ZNF461: variants seen among roughly 807,000 people sequenced by gnomAD.
The protein encoded by ZNF461 is zinc finger protein 461.
In ZNF461, 16 loss-of-function variants were observed where a neutral mutation model predicts 18.3. The observed-to-expected ratio is 0.88, with a 90% CI of 0.59 to 1.33. ZNF461 has a LOEUF of 1.33. Among genes scored for constraint, ZNF461 ranks in the 40% most tolerant of loss-of-function variants. ZNF461 has a pLI of 0.00. For synonymous variants in ZNF461, 179 were observed against 216.9 expected (o/e 0.83, Z 1.54); for missense variants, 595 against 669.9 (o/e 0.89, Z 1.23).
At position 36,637,895 on chromosome 19, in the gene ZNF461, T is replaced by A. The variant is rs2037327711; in HGVS notation, c.*758A>T. ...TGTTAGGGGAGAATTAATTTTCACA[T>A]TTTTGGTAATTTTTGAATTTTTATA... On this transcript the variant is annotated 3_prime_UTR_variant, in exon 6 of 6. Transcript: ENST00000588268. The A allele has an allele frequency of 2.7e-6, 1 of 367,636 alleles. No individual in the cohort carries two copies. The highest frequency in any genetic ancestry group is 4.0e-5 in the Admixed American group (1 of 24,974). 22.8% of individuals were successfully genotyped at this position (367,636 alleles called of 1,614,324 possible).
chr19:36,640,255 C>T (rs1020513226), intron 5 of ZNF461: 2 of 483,376 alleles, frequency 4.1e-6, no homozygotes, highest in African/African-American at 1.9e-5. Flanking sequence ...AAATTTTGAT[C>T]CACCTCTGAA....
In ZNF461 at chr19:36,639,259, A is replaced by G. The variant is rs1477784615; in HGVS notation, c.1086T>C (p.Cys362=). 6.2e-7 allele frequency: 1 copy of G among 1,614,052 alleles called. No homozygotes were observed. Among genetic ancestry groups the G allele is most frequent in the Non-Finnish European group, 8.5e-7 (1 of 1,180,016 alleles). Residue 362 remains cysteine, a synonymous_variant, in exon 6 of 6, where the codon TGT becomes TGC. Transcript: ENST00000588268. ...TGEKPYECKE[C]GKTFRHRSHL... ...GTGAGCGATGCCTAAAAGTCTTTCC[A>G]CATTCTTTACATTCATAAGGTTTCT...
chr19:36,664,599 A>C (rs2037872384), intron 2 of ZNF461, 99 bp downstream of exon 2: 1 of 1,034,238 alleles, frequency 9.7e-7, no homozygotes, highest in African/African-American at 1.7e-5. Context: ...GTCTCAAAAA[A>C]AAAAAAAGCA....
At chr19:36,642,754 T>G (rs1331626360) in intron 5 of ZNF461, among the ~76,000 whole-genome samples, 7 of 149,020 alleles carry the variant, frequency 4.7e-5, no homozygotes, top group Non-Finnish European at 8.9e-5. Context: ...GTGTGTGTGT[T>G]TTTGGTGGGG....
rs2037481143 is a variant in ZNF461 at position 36,644,247 on chromosome 19, C to T, written c.233-385G>A. Among the ~76,000 whole-genome samples the T allele has an allele frequency of 2.0e-5, 3 of 147,012 alleles. No homozygotes were observed. The South Asian group carries it at 6.5e-4, about 32-fold the overall frequency. On this transcript the variant is annotated intron_variant, in intron 4 of 5. Transcript: ENST00000588268. ...CACACCCAGCAGAGAATATGTATTT[C>T]TTATACTTGAAAATGGATATTGGTT...
chr19:36,650,507 A>C (rs1328233323), intron 4 of ZNF461, among the ~76,000 whole-genome samples: 2 of 152,158 alleles, frequency 1.3e-5, no homozygotes, highest in African/African-American at 4.8e-5. Flanking sequence ...GAAGTTTACT[A>C]AACATTCATG....
At chr19:36,656,569 T>C in intron 3 of ZNF461, 26 bp from the exon 4 acceptor site, 2 of 1,566,654 alleles carry the variant, frequency 1.3e-6, no homozygotes, top group South Asian at 1.1e-5. Flanking sequence ...GAAATTGAGA[T>C]GAGATGGAAA....
At chr19:36,664,673 T>C (rs775672656) in intron 2 of ZNF461, 25 bp downstream of exon 2, 5 of 1,515,946 alleles carry the variant, frequency 3.3e-6, no homozygotes, top group African/African-American at 1.4e-5. Context: ...GTATTGTAAT[T>C]AGGAGCAAGA....
intron 5 of ZNF461, among the ~76,000 whole-genome samples, chr19:36,640,870 A>G (rs1197931833): frequency 2.0e-5 from 3 of 152,250 alleles, no homozygotes; most frequent in Non-Finnish European, 4.4e-5. Context: ...CAAGCAGCTT[A>G]ACCTACAAAT....
In ZNF461 at chr19:36,664,399, C is replaced by A. The variant is rs190570670; in HGVS notation, c.9+299G>T. ...GGCCAGGAGTTTGAGACCAGCCTGGCCAACTTGGCAAAACCCCGTATCTAC... is the reference window on the plus strand; with the variant it reads ...GGCCAGGAGTTTGAGACCAGCCTGGACAACTTGGCAAAACCCCGTATCTAC... On this transcript the variant is annotated intron_variant, in intron 2 of 5. Coordinates refer to ENST00000588268, the MANE Select transcript of ZNF461 (RefSeq NM_153257.5). Among the ~76,000 whole-genome samples the A allele has an allele frequency of 1.4e-3, 207 of 152,190 alleles. 2 individuals are homozygous for A. Among genetic ancestry groups the A allele is most frequent in the African/African-American group, 4.8e-3 (200 of 41,546 alleles).
In ZNF461 at chr19:36,637,411, AG is replaced by A. The variant is rs2037315731; in HGVS notation, c.*1241del. ...GAGACGGGGTTTCACCATGTTAGCCAGGATGGTCTCGATCTCCTGACCTCGT... is the reference window on the plus strand; with the variant it reads ...GAGACGGGGTTTCACCATGTTAGCCAGATGGTCTCGATCTCCTGACCTCGT... On this transcript the variant is annotated 3_prime_UTR_variant, in exon 6 of 6. Transcript: ENST00000588268. 1 of 152,086 alleles carries A rather than the reference AG, an allele frequency of 6.6e-6. No individual in the cohort carries two copies. Among genetic ancestry groups the A allele is most frequent in the African/African-American group, 2.4e-5 (1 of 41,374 alleles). The allele number at this position is 152,086 out of a possible 1,614,324, so 9.4% of individuals were successfully genotyped here. A position where few individuals can be genotyped will look rare whatever the true frequency, so the allele number is the denominator to read the frequency against.
At chr19:36,664,603 A>AG in intron 2 of ZNF461, 95 bp downstream of exon 2, 2 of 1,062,742 alleles carry the variant, frequency 1.9e-6, no homozygotes, top group Non-Finnish European at 2.6e-6. Flanking sequence ...CAAAAAAAAA[A>AG]AAAGCAAATA....
chr19:36,648,073 C>T (rs752049298), intron 4 of ZNF461, among the ~76,000 whole-genome samples: 1 of 151,840 alleles, frequency 6.6e-6, no homozygotes, highest in Non-Finnish European at 1.5e-5. Context: ...CCCACCTACT[C>T]GGGAGGCTGA....
In ZNF461 at chr19:36,639,254, T is replaced by C. The variant is rs1180809975; in HGVS notation, c.1091A>G (p.Lys364Arg). ...AAGATGTGAGCGATGCCTAAAAGTC[T>C]TTCCACATTCTTTACATTCATAAGG... The part of the protein sequence containing the change: ...EKPYECKECG[K>R]TFRHRSHLTI... Residue 364 changes from lysine (K) to arginine (R), a missense_variant, in exon 6 of 6, where the codon AAG becomes AGG. Physicochemically the swap from Lys to Arg is conservative, Grantham distance 26. Transcript: ENST00000588268. 7 of 1,614,014 alleles carry C rather than the reference T, an allele frequency of 4.3e-6. No individual in the cohort carries two copies. The highest frequency in any genetic ancestry group is 5.9e-6 in the Non-Finnish European group (7 of 1,180,020).
At chr19:36,665,607 G>C (rs929963397) in intron 1 of ZNF461, among the ~76,000 whole-genome samples, 1 of 151,104 alleles carries the variant, frequency 6.6e-6, no homozygotes, top group African/African-American at 2.4e-5. Context: ...TACTCGTGAG[G>C]CTGAGGCAGG....
chr19:36,647,919 T>G (rs376291287), intron 4 of ZNF461, among the ~76,000 whole-genome samples: 9 of 151,978 alleles, frequency 5.9e-5, no homozygotes, highest in East Asian at 3.9e-4. Flanking sequence ...TGGTGGCTCA[T>G]GCCTGTAATC....
At chr19:36,665,616 G>C (rs888726018) in intron 1 of ZNF461, among the ~76,000 whole-genome samples, 1 of 150,094 alleles carries the variant, frequency 6.7e-6, no homozygotes, top group African/African-American at 2.5e-5. Context: ...GGCTGAGGCA[G>C]GAGAACTGCT....
At chr19:36,647,069 A>T (rs1372299377) in intron 4 of ZNF461, among the ~76,000 whole-genome samples, 1 of 152,198 alleles carries the variant, frequency 6.6e-6, no homozygotes, top group Non-Finnish European at 1.5e-5. Context: ...ATACCTAATG[A>T]TGGACATTCT....
At chr19:36,641,277 T>C (rs2037417669) in intron 5 of ZNF461, among the ~76,000 whole-genome samples, 1 of 152,142 alleles carries the variant, frequency 6.6e-6, no homozygotes. Flanking sequence ...CCCAGAACTT[T>C]GGGAGACCTA....
Sources: allele counts gnomAD v4.1 joint callset (sites outside exome capture counted in the v4.1 genomes callset), GRCh38; gene constraint gnomAD v4.1.1; transcripts MANE v1.5; gene names NCBI Gene and HGNC (gene_info 2026-07-23, HGNC 2026-07-21).